THSD7B: variants seen among roughly 807,000 people sequenced by gnomAD.
The protein encoded by THSD7B is thrombospondin type 1 domain containing 7B.
THSD7B carries 138 observed loss-of-function variants against 213.6 expected under a neutral mutation model. The observed-to-expected ratio is 0.65, with a 90% CI of 0.56 to 0.74. The LOEUF (loss-of-function observed/expected upper bound fraction) is 0.74, where lower values mean the gene tolerates loss of function less well. Ranked by LOEUF, THSD7B falls within the 30% of genes least tolerant of loss-of-function variation. The pLI is 0.00. For missense variants in THSD7B, 1,931 were observed against 1,991.5 expected, an observed-to-expected ratio of 0.97 and a Z score of 0.58; for synonymous variants, 742 against 687.0, an observed-to-expected ratio of 1.08 and a Z score of -1.25.
chr2:137,158,129 T>A (rs1679944842), intron 5 of THSD7B, among the ~76,000 whole-genome samples: 1 of 152,164 alleles, frequency 6.6e-6, no homozygotes, highest in Non-Finnish European at 1.5e-5. Flanking sequence ...AGTGCCTGAT[T>A]TAGATGGATG....
chr2:137,081,692 C>T (rs978982288), intron 3 of THSD7B, among the ~76,000 whole-genome samples: 2 of 152,034 alleles, frequency 1.3e-5, no homozygotes, highest in Admixed American at 6.6e-5. Context: ...CAGCTTTGTT[C>T]TTGGTTATTT....
At chr2:137,314,018 G>T (rs1185602561) in intron 12 of THSD7B, among the ~76,000 whole-genome samples, 1 of 152,044 alleles carries the variant, frequency 6.6e-6, no homozygotes, top group African/African-American at 2.4e-5. Context: ...TATCTTTGTG[G>T]CGTTCTCTGT....
intron 2 of THSD7B, among the ~76,000 whole-genome samples, chr2:136,892,278 A>G (rs1422061281): frequency 1.3e-5 from 2 of 152,092 alleles, no homozygotes; most frequent in Admixed American, 1.3e-4. Context: ...CAAATAATTT[A>G]CAGATGTGTT....
chr2:137,337,299 T>C (rs1684660126), intron 12 of THSD7B, among the ~76,000 whole-genome samples: 2 of 152,090 alleles, frequency 1.3e-5, no homozygotes, highest in South Asian at 4.1e-4. Flanking sequence ...CTGGGACAGT[T>C]CTTCACTCTT....
At chr2:136,982,264 G>A (rs1040930771) in intron 2 of THSD7B, among the ~76,000 whole-genome samples, 10 of 151,476 alleles carry the variant, frequency 6.6e-5, no homozygotes, top group Admixed American at 6.6e-4. Flanking sequence ...ACTCTTTCTA[G>A]GTAAGATAAA....
chr2:136,983,946 A>C lies in THSD7B; in HGVS notation c.140-72474A>C, dbSNP rs555145184. ...TGACAGTAAAGATTCACTGATCACT[A>C]GTCTATAGACTGAAGTGTTTTACAA... On this transcript the variant is annotated intron_variant, in intron 2 of 27. Coordinates refer to ENST00000409968, the MANE Select transcript of THSD7B (RefSeq NM_001316349.2). Among the ~76,000 whole-genome samples, 21 of 152,360 alleles carry C rather than the reference A, an allele frequency of 1.4e-4. No homozygotes were observed. The South Asian group carries it at 4.3e-3, about 32-fold the overall frequency.
intron 1 of THSD7B, among the ~76,000 whole-genome samples, chr2:136,773,473 G>T (rs965516473): frequency 6.6e-6 from 1 of 151,900 alleles, no homozygotes; most frequent in African/African-American, 2.4e-5. Flanking sequence ...AGAAAACATT[G>T]AAATTAATTT....
intron 3 of THSD7B, among the ~76,000 whole-genome samples, chr2:137,093,265 C>T (rs1007763941): frequency 7.3e-6 from 1 of 137,390 alleles, no homozygotes; most frequent in South Asian, 2.3e-4. Flanking sequence ...CTTGTATCTA[C>T]GTTCCTCCTC....
chr2:136,818,183 G>A (rs1370789281), intron 1 of THSD7B, among the ~76,000 whole-genome samples: 2 of 151,106 alleles, frequency 1.3e-5, no homozygotes, highest in Non-Finnish European at 3.0e-5. Context: ...TTAAGAAAAT[G>A]TGGCACATAT....
intron 1 of THSD7B, among the ~76,000 whole-genome samples, chr2:136,875,741 T>C (rs946756153): frequency 5.9e-5 from 9 of 152,108 alleles, no homozygotes; most frequent in Non-Finnish European, 1.0e-4. Context: ...CTTTGCAGAG[T>C]TAATACAGTG....
intron 2 of THSD7B, among the ~76,000 whole-genome samples, chr2:136,983,377 A>ACACACACT (rs1342830898): frequency 6.8e-6 from 1 of 146,302 alleles, no homozygotes; most frequent in East Asian, 2.0e-4. Flanking sequence ...ACACGCACAC[A>ACACACACT]CACTCACTCT....
intron 2 of THSD7B, among the ~76,000 whole-genome samples, chr2:136,982,622 C>A (rs1252074541): frequency 6.6e-6 from 1 of 152,170 alleles, no homozygotes; most frequent in East Asian, 1.9e-4. Flanking sequence ...TCTTGGGAGT[C>A]TAACCTAGTA....
At chr2:137,112,625 A>G (rs1294091353) in intron 4 of THSD7B, among the ~76,000 whole-genome samples, 1 of 152,224 alleles carries the variant, frequency 6.6e-6, no homozygotes, top group East Asian at 1.9e-4. Flanking sequence ...AAACAAGCAA[A>G]AAATAACTAT....
chr2:136,865,256 G>A (rs1683315911), intron 1 of THSD7B, among the ~76,000 whole-genome samples: 1 of 152,204 alleles, frequency 6.6e-6, no homozygotes, highest in Admixed American at 6.5e-5. Context: ...TGGTGGAGAG[G>A]GCTGGACATG....
At chr2:137,029,615 A>G (rs1686625732) in intron 2 of THSD7B, among the ~76,000 whole-genome samples, 2 of 152,190 alleles carry the variant, frequency 1.3e-5, no homozygotes, top group Non-Finnish European at 2.9e-5. Context: ...TTTGCCAACT[A>G]TAACTGCAAA....
At chr2:137,294,443 C>T (rs547071328) in intron 12 of THSD7B, among the ~76,000 whole-genome samples, 5 of 151,770 alleles carry the variant, frequency 3.3e-5, no homozygotes, top group African/African-American at 4.8e-5. Flanking sequence ...ATTAGCTGGA[C>T]GTGGTGGTGA....
intron 10 of THSD7B, among the ~76,000 whole-genome samples, chr2:137,267,658 T>A (rs2104800133): frequency 6.6e-6 from 1 of 152,252 alleles, no homozygotes; most frequent in Non-Finnish European, 1.5e-5. Flanking sequence ...ACCCCCCCAT[T>A]TTCTTATCTG....
intron 3 of THSD7B, among the ~76,000 whole-genome samples, chr2:137,059,014 C>G (rs531854446): frequency 9.2e-5 from 14 of 152,222 alleles, no homozygotes; most frequent in African/African-American, 3.4e-4. Flanking sequence ...AAAATAAATA[C>G]CATAGTTTGG....
At chr2:137,469,276 C>T (rs191724816) in intron 15 of THSD7B, among the ~76,000 whole-genome samples, 2 of 152,018 alleles carry the variant, frequency 1.3e-5, no homozygotes, top group East Asian at 1.9e-4. Flanking sequence ...ATAGAGATAG[C>T]GAAGTACTAA....
Sources: gnomAD v4.1 joint callset for allele counts (sites outside exome capture counted in the v4.1 genomes callset) on GRCh38, gnomAD v4.1.1 for gene constraint, MANE v1.5 for transcripts, NCBI Gene and HGNC (gene_info 2026-07-23, HGNC 2026-07-21) for gene names.